FRY: variants seen among roughly 807,000 people sequenced by gnomAD.
FRY encodes the protein FRY microtubule binding protein.
A neutral mutation model predicts 348.4 loss-of-function variants in FRY; 128 were observed. That is an observed-to-expected ratio of 0.37 (90% CI 0.32 to 0.43). The LOEUF is 0.43. Among genes scored for constraint, FRY ranks in the 20% least tolerant of loss-of-function variants. FRY has a pLI of 1.00. For missense variants in FRY, 2,736 were observed against 3,695.2 expected (o/e 0.74, Z 6.73); for synonymous variants, 1,370 against 1,374.7 (o/e 1.00, Z 0.08).
At chr13:32,170,681 C>T (rs1424636268) in intron 17 of FRY, among the ~76,000 whole-genome samples, 1 of 152,128 alleles carries the variant, frequency 6.6e-6, no homozygotes, top group African/African-American at 2.4e-5. Flanking sequence ...GGACTACAGG[C>T]ATGTGCCACC....
intron 29 of FRY, among the ~76,000 whole-genome samples, chr13:32,197,626 A>G (rs1053751510): frequency 2.6e-5 from 4 of 152,248 alleles, no homozygotes; most frequent in African/African-American, 9.6e-5. Context: ...TTAAACAAAA[A>G]CAACCTCTTG....
intron 59 of FRY, among the ~76,000 whole-genome samples, chr13:32,291,575 T>C (rs1218185908): frequency 6.6e-6 from 1 of 151,896 alleles, no homozygotes. Flanking sequence ...CTGGCTAATT[T>C]TGTATTTTTA....
At position 32,065,346 on chromosome 13, in the gene FRY, C is replaced by T. The variant is rs189130251; in HGVS notation, c.71-13488C>T. Among the ~76,000 whole-genome samples the T allele has an allele frequency of 3.0e-3, 462 of 152,234 alleles. 1 individual carries two copies. The highest frequency in any genetic ancestry group is 0.01 in the African/African-American group (423 of 41,552). On this transcript the variant is annotated intron_variant, in intron 1 of 60. Transcript: ENST00000542859. ...TTTGAGACAGAGTTTTACTCCATTG[C>T]CCAGGCTGGAGTGCAGTGGCACAAT...
chr13:32,094,949 A>G (rs942103784), intron 2 of FRY, among the ~76,000 whole-genome samples: 11 of 152,188 alleles, frequency 7.2e-5, no homozygotes, highest in Non-Finnish European at 1.6e-4. Flanking sequence ...TGGTTGTACT[A>G]ATTTACATTC....
At chr13:32,146,100 C>T (rs917941889) in intron 11 of FRY, among the ~76,000 whole-genome samples, 18 of 152,152 alleles carry the variant, frequency 1.2e-4, no homozygotes, top group African/African-American at 4.3e-4. Flanking sequence ...TCCCAGGCTC[C>T]AAAACAGGAG....
At chr13:32,073,916 T>C (rs1013246831) in intron 1 of FRY, among the ~76,000 whole-genome samples, 9 of 152,162 alleles carry the variant, frequency 5.9e-5, no homozygotes, top group Non-Finnish European at 1.0e-4. Flanking sequence ...GGTGTTTATA[T>C]TGGTGCTACA....
At chr13:32,214,942 A>C (rs1480302807) in intron 35 of FRY, among the ~76,000 whole-genome samples, 1 of 152,216 alleles carries the variant, frequency 6.6e-6, no homozygotes, top group Non-Finnish European at 1.5e-5. Flanking sequence ...TGTTCTTTAC[A>C]ACTAGATTAA....
In FRY at chr13:32,178,996, C is replaced by T. The variant is rs1227588645; in HGVS notation, c.2834C>T (p.Ala945Val). The change falls in exon 22 of 61, where the codon GCG becomes GTG. Residue 945 changes from alanine (A) to valine (V), a missense_variant. This residue lies in a region of FRY where 449 missense variants were observed against 576.9 expected (regional missense o/e 0.78). Transcript: ENST00000542859. ...HLRASTPEIMATTPDGTVSYD... is the reference protein window; with the variant it reads ...HLRASTPEIMVTTPDGTVSYD... Reference sequence around the variant, plus strand: ...AGAGCTTCCACTCCAGAAATAATGGCGACCACACCTGATGGTACAGTGAGC... The same window carrying T: ...AGAGCTTCCACTCCAGAAATAATGGTGACCACACCTGATGGTACAGTGAGC... The T allele has an allele frequency of 5.6e-6, 9 of 1,613,508 alleles. No individual in the cohort carries two copies. The highest frequency in any genetic ancestry group is 5.3e-5 in the African/African-American group (4 of 74,842).
rs1364601061 is a variant in FRY at position 32,117,336 on chromosome 13, C to G, written c.327C>G (p.Val109=). The change falls in exon 4 of 61, where the codon GTC becomes GTG. Residue 109 remains valine (V), a splice_region_variant and synonymous_variant. Transcript: ENST00000542859. The stretch of plus-strand genomic sequence containing the variant: ...ATCACCTGCATTTTCCTCCATAGGT[C>G]ATCAGCTCAATGAGCTCCCTTTCTG... ...QRGEDPQFDQ[V]ISSMSSLSEY... The G allele has an allele frequency of 6.2e-7, 1 of 1,613,682 alleles. No homozygotes were observed. The highest frequency in any genetic ancestry group is 8.5e-7 in the Non-Finnish European group (1 of 1,179,810).
At chr13:32,193,424 G>A (rs975705790) in intron 28 of FRY, among the ~76,000 whole-genome samples, 7 of 151,640 alleles carry the variant, frequency 4.6e-5, no homozygotes, top group African/African-American at 1.5e-4. Flanking sequence ...AAATGTTTAG[G>A]TGAGTGGCCA....
intron 1 of FRY, 111 bp downstream of exon 1, chr13:32,031,976 C>CTTTTT: frequency 1.6e-6 from 1 of 639,200 alleles, no homozygotes; most frequent in East Asian, 2.8e-5. Flanking sequence ...GGAAGTTTTT[C>CTTTTT]TTTTTTTCTT....
At chr13:32,087,640 C>T (rs1875971053) in intron 2 of FRY, among the ~76,000 whole-genome samples, 1 of 152,182 alleles carries the variant, frequency 6.6e-6, no homozygotes, top group Non-Finnish European at 1.5e-5. Context: ...ATTTAGGATA[C>T]ACCCTATTTT....
Position 32,239,395 on chromosome 13 carries a change from A to G in FRY, c.6516+46A>G, listed in dbSNP as rs779704328. 1 of 1,147,106 alleles carries G rather than the reference A, an allele frequency of 8.7e-7. No individual in the cohort carries two copies. The highest frequency in any genetic ancestry group is 2.3e-5 in the East Asian group (1 of 42,838). The allele number at this position is 1,147,106 out of a possible 1,614,324, so 71.1% of individuals were successfully genotyped here. On this transcript the variant is annotated intron_variant, in intron 45 of 60. Transcript: ENST00000542859. The surrounding 1 kb of genome is among the most constrained non-coding windows in gnomAD (Gnocchi z 4.3). ...CTCAGGCAGATCCATAGAGGCCTTC[A>G]GGACGCCCTAGTGTCAGGCAAATTA... is the stretch of plus-strand genomic sequence containing the variant.
chr13:32,243,935 T>A, intron 46 of FRY, 107 bp from the exon 47 acceptor site: 1 of 1,304,142 alleles, frequency 7.7e-7, no homozygotes, highest in African/African-American at 1.5e-5. Context: ...CCTAAAAAAA[T>A]AAAAAATAAA....
chr13:32,225,833 C>T lies in FRY; in HGVS notation c.5065C>T (p.Leu1689=), dbSNP rs752461293. 3 of 1,614,012 alleles carry T rather than the reference C, an allele frequency of 1.9e-6. No individual in the cohort carries two copies. The African/African-American group carries it at 4.0e-5, about 22-fold the overall frequency. The change falls in exon 39 of 61, where the codon CTG becomes TTG. Residue 1689 remains leucine, a synonymous_variant. Transcript: ENST00000542859. The stretch of plus-strand genomic sequence containing the variant: ...TGAAGTCTTTGAACACAGCAAAAAA[C>T]TGCTTCTTCACCTCTTGATTGCCCT... The part of the protein sequence containing the change: ...RPEVFEHSKK[L]LLHLLIALSC...
At chr13:32,147,695 C>A in intron 12 of FRY, 144 bp from the exon 13 acceptor site, 1 of 708,628 alleles carries the variant, frequency 1.4e-6, no homozygotes, top group Non-Finnish European at 2.6e-6. Context: ...AGTAATTATG[C>A]TAATGGAAAG....
At chr13:32,126,964 ACTTT>A (rs1879057655) in intron 7 of FRY, among the ~76,000 whole-genome samples, 1 of 152,118 alleles carries the variant, frequency 6.6e-6, no homozygotes, top group South Asian at 2.1e-4. Flanking sequence ...ATTAGTACTT[ACTTT>A]GGAATTTGAG....
Position 32,187,584 on chromosome 13 carries a change from C to T in FRY, c.3519C>T (p.Asp1173=), listed in dbSNP as rs534888092. The T allele has an allele frequency of 1.4e-5, 23 of 1,612,190 alleles. No individual in the cohort carries two copies. In the African/African-American group the frequency reaches 2.8e-4, roughly 20 times the overall value. Residue 1173 remains aspartate (D), a synonymous_variant, in exon 28 of 61, where the codon GAC becomes GAT. Coordinates refer to ENST00000542859, the MANE Select transcript of FRY (RefSeq NM_023037.3). The part of the protein sequence containing the change: ...SAVLCCGPVF[D]NVGLSPDGYL... ...TACTGTGCTGTGGCCCTGTCTTTGACAATGTGGGCCTTTCCCCAGATGGCT... is the reference window on the plus strand; with the variant it reads ...TACTGTGCTGTGGCCCTGTCTTTGATAATGTGGGCCTTTCCCCAGATGGCT...
intron 36 of FRY, 23 bp downstream of exon 36, chr13:32,218,854 CT>C: frequency 7.3e-7 from 1 of 1,377,876 alleles, no homozygotes; most frequent in Non-Finnish European, 1.0e-6. Flanking sequence ...AGGCTGTGGG[CT>C]TTCAGACGGA....
Sources: allele counts gnomAD v4.1 joint callset (sites outside exome capture counted in the v4.1 genomes callset), GRCh38; gene constraint gnomAD v4.1.1; regional missense constraint gnomAD v4.1.1; non-coding constraint Gnocchi (gnomAD v3.1); transcripts MANE v1.5; gene names NCBI Gene and HGNC (gene_info 2026-07-23, HGNC 2026-07-21).